The following VOPP1 variants were observed in gnomAD, a reference collection of about 807,000 sequenced individuals.
VOPP1 encodes the protein WW domain binding protein VOPP1.
In VOPP1, 8 loss-of-function variants were observed where a neutral mutation model predicts 23.5. The observed-to-expected ratio is 0.34, with a 90% confidence interval of 0.20 to 0.61. The LOEUF (loss-of-function observed/expected upper bound fraction) is 0.61. VOPP1 is among the 20% of genes least tolerant of loss of function. The pLI, the probability that VOPP1 is intolerant of heterozygous loss-of-function variation, is 0.78. For missense variants in VOPP1, 174 were observed against 238.1 expected (o/e 0.73, Z 1.77); for synonymous variants, 83 against 97.3 (o/e 0.85, Z 0.86).
chr7:55,564,264 T>TCTCTCTCTCTCTCTCG lies in VOPP1; in HGVS notation c.54+8006_54+8007insCGAGAGAGAGAGAGAG, dbSNP rs1369462395. On this transcript the variant is annotated intron_variant, in intron 1 of 4. Transcript: ENST00000285279. ...CTCTGTCTCTCTCTCTCTCTCTCTC[T>TCTCTCTCTCTCTCTCG]CTCGCTCGCTTGCTCTCTCTCACTC... Among the ~76,000 whole-genome samples the TCTCTCTCTCTCTCTCG allele has an allele frequency of 1.1e-3, 171 of 151,036 alleles. 5 individuals are homozygous for TCTCTCTCTCTCTCTCG. In the South Asian group the frequency reaches 0.029, roughly 26 times the overall value.
intron 2 of VOPP1, among the ~76,000 whole-genome samples, chr7:55,507,889 A>T (rs1303762773): frequency 6.6e-6 from 1 of 152,182 alleles, no homozygotes; most frequent in East Asian, 1.9e-4. Context: ...CACTGCTTTG[A>T]TGAGGCCTGA....
At chr7:55,451,411 T>C (rs749937422) in intron 4 of VOPP1, among the ~76,000 whole-genome samples, 2 of 152,340 alleles carry the variant, frequency 1.3e-5, no homozygotes, top group East Asian at 1.9e-4. Context: ...CCACTACATA[T>C]AGAAGTTGTT....
intron 3 of VOPP1, among the ~76,000 whole-genome samples, chr7:55,493,727 A>G (rs1793745239): frequency 6.6e-6 from 1 of 152,202 alleles, no homozygotes; most frequent in African/African-American, 2.4e-5. Context: ...GAGCTTACAG[A>G]GGAGGGAGAC....
At chr7:55,518,956 G>A (rs1452819055) in intron 2 of VOPP1, among the ~76,000 whole-genome samples, 1 of 152,324 alleles carries the variant, frequency 6.6e-6, no homozygotes, top group East Asian at 1.9e-4. Flanking sequence ...TTCGGGTGAG[G>A]ACACTGGGAA....
intron 2 of VOPP1, among the ~76,000 whole-genome samples, chr7:55,509,965 C>T (rs991522784): frequency 1.3e-5 from 2 of 152,174 alleles, no homozygotes; most frequent in African/African-American, 4.8e-5. Flanking sequence ...ACAAACACAA[C>T]CTCCTCCCCT....
chr7:55,470,542 T>A (rs1380032677), downstream of VOPP1: 1 of 152,232 alleles, frequency 6.6e-6, no homozygotes, highest in Non-Finnish European at 1.5e-5. Flanking sequence ...GGATCTGCTG[T>A]ACACCCTTCC....
rs1793187047 is a variant in VOPP1, at chr7:55,486,928, T to C, written c.328+5354A>G. On this transcript the variant is annotated intron_variant, in intron 4 of 4. Coordinates refer to ENST00000285279, the MANE Select transcript of VOPP1 (RefSeq NM_030796.5). ...CCCTGGGTCCATCTGCCCTGCTGTT[T>C]CTTCAGGAAAAAACCCAGAATGGAA... Among the ~76,000 whole-genome samples, 8 of 152,172 alleles carry C rather than the reference T, an allele frequency of 5.3e-5. No homozygotes were observed. The South Asian group carries it at 1.7e-3, about 32-fold the overall frequency.
At chr7:55,452,769 AAG>A (rs1791276184) in intron 4 of VOPP1, among the ~76,000 whole-genome samples, 1 of 152,220 alleles carries the variant, frequency 6.6e-6, no homozygotes, top group Admixed American at 6.5e-5. Flanking sequence ...TTAAAACACT[AAG>A]CTAACCATGC....
At chr7:55,542,618 C>T (rs1414709737) in intron 1 of VOPP1, among the ~76,000 whole-genome samples, 3 of 152,006 alleles carry the variant, frequency 2.0e-5, no homozygotes, top group Non-Finnish European at 4.4e-5. Flanking sequence ...GGTGAAGGCC[C>T]GTCTCTACTA....
Position 55,492,319 on chromosome 7 carries a change from A to T in VOPP1, c.291T>A (p.Asn97Lys). 1 of 1,611,544 alleles carries T rather than the reference A, an allele frequency of 6.2e-7. No homozygotes were observed. Among genetic ancestry groups the T allele is most frequent in the Non-Finnish European group, 8.5e-7 (1 of 1,178,908 alleles). Residue 97 changes from asparagine to lysine, a missense_variant, in exon 4 of 5, where the codon AAT becomes AAA. Physicochemically the swap from Asn to Lys is moderately conservative, Grantham distance 94. Transcript: ENST00000285279. Reference protein sequence around the residue: ...PPPLIEEPAFNVSYTRQPPNP... With the variant: ...PPPLIEEPAFKVSYTRQPPNP... ...TTGGGGGCTGCCTGGTGTAGGACACATTGAAGGCTGGCTCCTCGATCAGCG... is the reference window on the plus strand; with the variant it reads ...TTGGGGGCTGCCTGGTGTAGGACACTTTGAAGGCTGGCTCCTCGATCAGCG...
chr7:55,499,763 G>A (rs1794236182), intron 2 of VOPP1, among the ~76,000 whole-genome samples: 1 of 152,156 alleles, frequency 6.6e-6, no homozygotes, highest in Admixed American at 6.5e-5. Context: ...GGGGAATGCT[G>A]GTACCCCTGG....
At chr7:55,498,043 C>A (rs1248752676) in intron 2 of VOPP1, among the ~76,000 whole-genome samples, 9 of 152,360 alleles carry the variant, frequency 5.9e-5, no homozygotes, top group African/African-American at 2.2e-4. Context: ...AGGAGCCCAG[C>A]ACCCACGTGG....
In VOPP1 at chr7:55,568,796, T is replaced by C. The variant is rs56213764; in HGVS notation, c.54+3475A>G. On this transcript the variant is annotated intron_variant, in intron 1 of 4. Coordinates refer to ENST00000285279, the MANE Select transcript of VOPP1 (RefSeq NM_030796.5). ...GTGTAGTCAGTTTTAAAACCTTTTT[T>C]TTTCCTTTTAGTTTCTAAGGAGTTA... Among the ~76,000 whole-genome samples, 1,234 of 152,314 alleles carry C rather than the reference T, an allele frequency of 8.1e-3. 7 individuals are homozygous for C. Among genetic ancestry groups the C allele is most frequent in the Middle Eastern group, 0.02 (6 of 294 alleles).
intron 4 of VOPP1, among the ~76,000 whole-genome samples, chr7:55,464,886 C>T (rs1462077325): frequency 1.3e-5 from 2 of 152,184 alleles, no homozygotes; most frequent in Admixed American, 1.3e-4. Flanking sequence ...TGAGGATGCT[C>T]CTTAGACTAG....
intron 1 of VOPP1, among the ~76,000 whole-genome samples, chr7:55,533,681 A>G (rs554937587): frequency 1.3e-5 from 2 of 152,312 alleles, no homozygotes; most frequent in Admixed American, 6.5e-5. Flanking sequence ...CCACCAAAGG[A>G]AAGTCCCCAT....
At chr7:55,466,933 T>C (rs1429281059), downstream of VOPP1, among the ~76,000 whole-genome samples, 2 of 152,234 alleles carry the variant, frequency 1.3e-5, no homozygotes, top group African/African-American at 4.8e-5. Flanking sequence ...CACCAGGGAC[T>C]GGTTTTGTAG....
chr7:55,534,017 G>T (rs1474114501), intron 1 of VOPP1, among the ~76,000 whole-genome samples: 1 of 151,996 alleles, frequency 6.6e-6, no homozygotes, highest in Non-Finnish European at 1.5e-5. Context: ...ACTCATTTGT[G>T]CAAGGTCACC....
downstream of VOPP1, among the ~76,000 whole-genome samples, chr7:55,435,090 C>T (rs181760308): frequency 6.6e-6 from 1 of 152,380 alleles, no homozygotes. Flanking sequence ...GCCGCGACTT[C>T]TATGGCTCTA....
At chr7:55,487,349 A>T (rs541910767) in intron 4 of VOPP1, among the ~76,000 whole-genome samples, 1 of 152,344 alleles carries the variant, frequency 6.6e-6, no homozygotes, top group Admixed American at 6.5e-5. Flanking sequence ...ATTAAAGGAA[A>T]TCATTTTTAA....
Sources: gnomAD v4.1 joint callset for allele counts (sites outside exome capture counted in the v4.1 genomes callset) on GRCh38, gnomAD v4.1.1 for gene constraint, MANE v1.5 for transcripts, NCBI Gene and HGNC (gene_info 2026-07-23, HGNC 2026-07-21) for gene names.